TMEM108: variants seen among roughly 807,000 people sequenced by gnomAD.
The protein encoded by TMEM108 is cancer/testis antigen 124.
Under a neutral mutation model 35.1 loss-of-function variants are expected in TMEM108, and 12 were observed. The observed-to-expected ratio is 0.34, with a 90% CI of 0.22 to 0.55. The LOEUF is 0.55. TMEM108 is among the 20% of genes least tolerant of loss of function. The probability of loss-of-function intolerance (pLI) is 0.89; values close to 1 mark genes in which losing one functional copy is unlikely to be tolerated. For missense variants in TMEM108, 680 were observed against 753.3 expected (o/e 0.90, Z 1.14); for synonymous variants, 287 against 308.6 (o/e 0.93, Z 0.73).
intron 5 of TMEM108, among the ~76,000 whole-genome samples, chr3:133,392,300 C>T (rs1347881979): frequency 6.6e-6 from 1 of 151,896 alleles, no homozygotes; most frequent in Non-Finnish European, 1.5e-5. Flanking sequence ...GTAGCTGGGA[C>T]TACAAGCACA....
chr3:133,330,973 A>G lies in TMEM108; in HGVS notation c.41-48779A>G, dbSNP rs2107727124. 1.3e-5 allele frequency among the ~76,000 whole-genome samples: 2 copies of G among 152,312 alleles called. 1 individual carries two copies. Among genetic ancestry groups the G allele is most frequent in the South Asian group, 4.1e-4 (2 of 4,824 alleles). ...TAGTTATAATTATCTGATGGAATTT[A>G]CCTTAAAACAACATAGGAGAGGAGG... is the stretch of plus-strand genomic sequence containing the variant. On this transcript the variant is annotated intron_variant, in intron 3 of 5. Coordinates refer to ENST00000321871, the MANE Select transcript of TMEM108 (RefSeq NM_023943.4).
chr3:133,094,612 G>A (rs1576315180), intron 2 of TMEM108, among the ~76,000 whole-genome samples: 1 of 152,152 alleles, frequency 6.6e-6, no homozygotes, highest in South Asian at 2.1e-4. Flanking sequence ...CCAGCATATG[G>A]CACCCAGTAG....
intron 2 of TMEM108, among the ~76,000 whole-genome samples, chr3:133,055,660 C>T (rs1315664451): frequency 6.6e-6 from 1 of 152,226 alleles, no homozygotes; most frequent in East Asian, 1.9e-4. Flanking sequence ...CTCCTCTCAG[C>T]CTTTTTCTTT....
intron 1 of TMEM108, chr3:133,041,796 T>C (rs1943279696): frequency 6.6e-6 from 1 of 152,218 alleles, no homozygotes; most frequent in African/African-American, 2.4e-5. Context: ...GAAGCTAGTC[T>C]ACACACATGG....
intron 3 of TMEM108, among the ~76,000 whole-genome samples, chr3:133,318,379 C>T (rs562615211): frequency 2.8e-4 from 43 of 152,296 alleles, no homozygotes; most frequent in African/African-American, 9.9e-4. Flanking sequence ...TTCTTTTTAA[C>T]ATTTTTTCCT....
intron 2 of TMEM108, among the ~76,000 whole-genome samples, chr3:133,126,738 C>A (rs930341256): frequency 6.6e-6 from 1 of 152,056 alleles, no homozygotes; most frequent in African/African-American, 2.4e-5. Flanking sequence ...CAGGACTCCC[C>A]ACAGATACCA....
intron 3 of TMEM108, among the ~76,000 whole-genome samples, chr3:133,271,635 G>C (rs997612720): frequency 3.9e-5 from 6 of 152,192 alleles, no homozygotes; most frequent in African/African-American, 1.4e-4. Context: ...AGTTCAGGAA[G>C]TGTCTTGTTT....
At chr3:133,058,344 A>T (rs1943497916) in intron 2 of TMEM108, among the ~76,000 whole-genome samples, 1 of 152,198 alleles carries the variant, frequency 6.6e-6, no homozygotes. Flanking sequence ...CCTAGGAAGG[A>T]TTGACAGCAC....
At chr3:133,182,751 T>C (rs933416144) in intron 2 of TMEM108, among the ~76,000 whole-genome samples, 2 of 152,202 alleles carry the variant, frequency 1.3e-5, no homozygotes, top group African/African-American at 4.8e-5. Flanking sequence ...TCAAGGAAGA[T>C]ACCTCTTGTG....
chr3:133,110,076 C>G (rs1944206650), intron 2 of TMEM108, among the ~76,000 whole-genome samples: 2 of 152,132 alleles, frequency 1.3e-5, no homozygotes, highest in African/African-American at 4.8e-5. Context: ...TCTTCTTCAC[C>G]AAGCCTGTTT....
intron 2 of TMEM108, among the ~76,000 whole-genome samples, chr3:133,056,665 A>C (rs1943469343): frequency 6.6e-6 from 1 of 152,118 alleles, no homozygotes; most frequent in Admixed American, 6.5e-5. Flanking sequence ...TTCCCTAACC[A>C]CATCTTCCTT....
At chr3:133,250,362 A>G (rs531588570) in intron 3 of TMEM108, among the ~76,000 whole-genome samples, 1 of 152,270 alleles carries the variant, frequency 6.6e-6, no homozygotes, top group Non-Finnish European at 1.5e-5. Context: ...AATAGTAAAT[A>G]TGTTCCTTCT....
intron 3 of TMEM108, among the ~76,000 whole-genome samples, chr3:133,374,542 T>TTA (rs10580755): frequency 0.15 from 21,324 of 145,566 alleles, 1,764 homozygotes; most frequent in African/African-American, 0.23. Context: ...ATAATTTTTG[T>TTA]TATATATATA....
intron 2 of TMEM108, among the ~76,000 whole-genome samples, chr3:133,190,728 G>T (rs1945485414): frequency 6.6e-6 from 1 of 152,178 alleles, no homozygotes; most frequent in South Asian, 2.1e-4. Flanking sequence ...CAGGTCAGGG[G>T]CTGGGTACAA....
chr3:133,385,808 TC>T (rs1323058164), intron 4 of TMEM108, among the ~76,000 whole-genome samples: 3 of 152,194 alleles, frequency 2.0e-5, no homozygotes, highest in Non-Finnish European at 4.4e-5. Flanking sequence ...ACAAGTAACT[TC>T]ATCATTGATC....
intron 2 of TMEM108, among the ~76,000 whole-genome samples, chr3:133,078,456 G>C (rs1345350778): frequency 6.6e-6 from 1 of 152,166 alleles, no homozygotes; most frequent in Non-Finnish European, 1.5e-5. Flanking sequence ...TGAGTGGCTA[G>C]GGTCTTTGTA....
intron 2 of TMEM108, among the ~76,000 whole-genome samples, chr3:133,063,277 A>G (rs924893782): frequency 6.6e-6 from 1 of 152,174 alleles, no homozygotes; most frequent in Non-Finnish European, 1.5e-5. Flanking sequence ...ATGAAGAGTG[A>G]CAGGGAACCA....
chr3:133,076,006 C>A (rs1943738300), intron 2 of TMEM108, among the ~76,000 whole-genome samples: 1 of 151,906 alleles, frequency 6.6e-6, no homozygotes. Flanking sequence ...TGGAGACCAC[C>A]AAGGTCCAAA....
intron 2 of TMEM108, among the ~76,000 whole-genome samples, chr3:133,127,763 A>G (rs913510729): frequency 3.9e-5 from 6 of 152,136 alleles, no homozygotes; most frequent in African/African-American, 1.2e-4. Flanking sequence ...CTTAATTTCT[A>G]TGATACCTTA....
Sources: allele counts gnomAD v4.1 joint callset (sites outside exome capture counted in the v4.1 genomes callset), GRCh38; gene constraint gnomAD v4.1.1; transcripts MANE v1.5; gene names NCBI Gene and HGNC (gene_info 2026-07-23, HGNC 2026-07-21).